MAP3K9: variants seen among roughly 807,000 people sequenced by gnomAD.
MAP3K9 encodes mitogen-activated protein kinase kinase kinase 9.
A neutral mutation model predicts 95.8 loss-of-function variants in MAP3K9; 46 were observed. The ratio of observed to expected loss-of-function variants is 0.48; its 90% CI spans 0.38 to 0.61. MAP3K9 has a LOEUF of 0.61. MAP3K9 is among the 20% of genes least tolerant of loss of function. The probability of loss-of-function intolerance (pLI) is 0.00; values close to 1 mark genes in which losing one functional copy is unlikely to be tolerated. For missense variants in MAP3K9, 1,296 were observed against 1,474.3 expected (o/e 0.88, Z 1.98); for synonymous variants, 533 against 593.8 (o/e 0.90, Z 1.49).
chr14:70,789,080 C>T (rs1238666535), intron 2 of MAP3K9, among the ~76,000 whole-genome samples: 2 of 152,208 alleles, frequency 1.3e-5, no homozygotes, highest in Non-Finnish European at 1.5e-5. Flanking sequence ...AACTGGCCAG[C>T]TGTCCCATTC....
intron 2 of MAP3K9, among the ~76,000 whole-genome samples, chr14:70,784,640 G>A (rs2054725112): frequency 6.6e-6 from 1 of 152,136 alleles, no homozygotes; most frequent in African/African-American, 2.4e-5. Context: ...CTACTCAGGA[G>A]GCTGATGCAG....
intron 4 of MAP3K9, 27 bp from the exon 5 acceptor site, chr14:70,749,031 A>C: frequency 6.3e-7 from 1 of 1,598,150 alleles, no homozygotes; most frequent in Non-Finnish European, 8.5e-7. Context: ...AATACTCAGA[A>C]AGCATGAATG....
chr14:70,749,897 G>C, intron 4 of MAP3K9, 36 bp downstream of exon 4: 1 of 1,613,718 alleles, frequency 6.2e-7, no homozygotes, highest in Non-Finnish European at 8.5e-7. Flanking sequence ...AAGAGGCAAA[G>C]TGTCTCCAGT....
At chr14:70,745,227 C>G (rs2054129655) in intron 5 of MAP3K9, among the ~76,000 whole-genome samples, 1 of 152,108 alleles carries the variant, frequency 6.6e-6, no homozygotes, top group Admixed American at 6.5e-5. Flanking sequence ...TAATGAAATA[C>G]TCACTATAAG....
chr14:70,758,431 T>G lies in MAP3K9; in HGVS notation c.1001+2571A>C, dbSNP rs571401030. ...GAAAAGATGTGGTGAAATTGGAACATTCATACATTGCTAACGGGAATATAA... is the reference window on the plus strand; with the variant it reads ...GAAAAGATGTGGTGAAATTGGAACAGTCATACATTGCTAACGGGAATATAA... On this transcript the variant is annotated intron_variant, in intron 3 of 11. Coordinates refer to ENST00000554752, the MANE Select transcript of MAP3K9 (RefSeq NM_001284230.2). Among the ~76,000 whole-genome samples, 6 of 152,206 alleles carry G rather than the reference T, an allele frequency of 3.9e-5. No homozygotes were observed. The South Asian group carries it at 1.2e-3, about 31-fold the overall frequency.
chr14:70,808,648 AATCGTCCTCCCCACCCCCCGCC>A, intron 1 of MAP3K9, 96 bp downstream of exon 1: 1 of 261,492 alleles, frequency 3.8e-6, no homozygotes, highest in African/African-American at 2.4e-5. Flanking sequence ...CACCCAGGTC[AATCGTCCTCCCCACCCCCCGCC>A]CTCATCCCAG....
intron 3 of MAP3K9, among the ~76,000 whole-genome samples, chr14:70,753,214 A>T: frequency 6.6e-6 from 1 of 152,180 alleles, no homozygotes. Flanking sequence ...ACTAACCCTC[A>T]TCCAGAAATT....
chr14:70,760,043 A>G (rs2054350187), intron 3 of MAP3K9, among the ~76,000 whole-genome samples: 1 of 131,250 alleles, frequency 7.6e-6, no homozygotes, highest in Admixed American at 7.2e-5. Context: ...GGCATGAGCC[A>G]CTGTATCCAG....
intron 3 of MAP3K9, among the ~76,000 whole-genome samples, chr14:70,753,396 C>A (rs540727119): frequency 6.6e-6 from 1 of 152,148 alleles, no homozygotes. Flanking sequence ...CTGCCAACAT[C>A]CCGCTTTATG....
At chr14:70,808,174 CAACTTCTG>C (rs1230484695) in intron 1 of MAP3K9, among the ~76,000 whole-genome samples, 1 of 152,198 alleles carries the variant, frequency 6.6e-6, no homozygotes, top group Non-Finnish European at 1.5e-5. Context: ...CCTAAAGGTA[CAACTTCTG>C]AGATATAAGA....
intron 2 of MAP3K9, chr14:70,765,453 T>C (rs2054437227): frequency 2.9e-6 from 2 of 693,258 alleles, no homozygotes; most frequent in Non-Finnish European, 5.3e-6. Flanking sequence ...CAGGGCAACT[T>C]CCAGTCCTGT....
chr14:70,725,076 AG>A lies in MAP3K9; in HGVS notation c.*5303del, dbSNP rs1351755151. The A allele has an allele frequency of 6.6e-6, 1 of 152,374 alleles. No homozygotes were observed. Among genetic ancestry groups the A allele is most frequent in the Non-Finnish European group, 1.5e-5 (1 of 68,170 alleles). 9.4% of individuals were successfully genotyped at this position (152,374 alleles called of 1,614,324 possible). A position where few individuals can be genotyped will look rare whatever the true frequency, so the allele number is the denominator to read the frequency against. On this transcript the variant is annotated 3_prime_UTR_variant, in exon 12 of 12. Coordinates refer to ENST00000554752, the MANE Select transcript of MAP3K9 (RefSeq NM_001284230.2). ...GGTCTGTTTCCAAGGGTTAACAAAG[AG>A]AGGTGTGGAAAAGCTCAGCTCCTAT...
chr14:70,750,172 C>A, intron 3 of MAP3K9, 91 bp from the exon 4 acceptor site: 2 of 1,119,088 alleles, frequency 1.8e-6, no homozygotes, highest in South Asian at 1.4e-5. Flanking sequence ...ATCCCACATT[C>A]TCCCCAACAG....
chr14:70,737,623 C>T (rs959680524), intron 8 of MAP3K9, among the ~76,000 whole-genome samples: 1 of 152,172 alleles, frequency 6.6e-6, no homozygotes. Context: ...TTCTAGCGGC[C>T]CTGGAGTTGT....
intron 2 of MAP3K9, among the ~76,000 whole-genome samples, chr14:70,775,682 G>A (rs1033188254): frequency 2.6e-5 from 4 of 152,202 alleles, no homozygotes; most frequent in African/African-American, 9.7e-5. Flanking sequence ...GCAGGGACAA[G>A]GAGAGAAACC....
In MAP3K9 at chr14:70,740,163, A is replaced by T. The variant is rs780432308; in HGVS notation, c.1569T>A (p.Asp523Glu). 6 of 1,612,250 alleles carry T rather than the reference A, an allele frequency of 3.7e-6. No homozygotes were observed. The South Asian group carries it at 5.5e-5, about 15-fold the overall frequency. ...KDGNRISLPS[D>E]FQHKFTVQAS... ...CCTGCACCGTGAACTTGTGCTGGAA[A>T]TCTGCTTGGGGAAAGACAAACACGT... is the stretch of plus-strand genomic sequence containing the variant. The change falls in exon 7 of 12, where the codon GAT becomes GAA. Residue 523 changes from aspartate (D) to glutamate (E), a missense_variant and splice_region_variant. This residue lies in a region of MAP3K9 where 377 missense variants were observed against 417.1 expected (regional missense o/e 0.90). Coordinates refer to ENST00000554752, the MANE Select transcript of MAP3K9 (RefSeq NM_001284230.2).
At position 70,809,264 on chromosome 14, in the gene MAP3K9, C is replaced by A. The variant is rs575341230; in HGVS notation, c.-93G>T. 5.6e-6 allele frequency: 7 copies of A among 1,239,232 alleles called. No homozygotes were observed. The South Asian group carries it at 1.1e-4, about 20-fold the overall frequency. 76.8% of individuals were successfully genotyped at this position (1,239,232 alleles called of 1,614,324 possible). ...GCGCCTCCGCAGAGCTGGGAGGACCCCCCCCCAACGACGGCGGCCGCAGGT... is the reference window on the plus strand; with the variant it reads ...GCGCCTCCGCAGAGCTGGGAGGACCACCCCCCAACGACGGCGGCCGCAGGT... On this transcript the variant is annotated 5_prime_UTR_variant, in exon 1 of 12. Transcript: ENST00000554752.
At chr14:70,768,271 A>T (rs1406469751) in intron 2 of MAP3K9, among the ~76,000 whole-genome samples, 1 of 152,140 alleles carries the variant, frequency 6.6e-6, no homozygotes, top group African/African-American at 2.4e-5. Context: ...CCAAAAATAT[A>T]TACACCTATT....
chr14:70,808,965 GTC>G lies in MAP3K9; in HGVS notation c.205_206del (p.Asp69ArgfsTer71). On this transcript the variant is annotated frameshift_variant, in exon 1 of 12. Transcript: ENST00000554752. LOFTEE classifies it high-confidence loss of function. The stretch of plus-strand genomic sequence containing the variant: ...CGTCGCCCAGCCGCAGGGTCAGCTC[GTC>G]CTCGCCCGCCGCCTCGTACTCGAAC... The part of the protein sequence containing the change: ...AVFEYEAAGE[D>X]ELTLRLGDVV... 1 of 1,572,714 alleles carries G rather than the reference GTC, an allele frequency of 6.4e-7. No individual in the cohort carries two copies.
Sources: gnomAD v4.1 joint callset for allele counts (sites outside exome capture counted in the v4.1 genomes callset) on GRCh38, gnomAD v4.1.1 for gene constraint, gnomAD v4.1.1 regional missense constraint, MANE v1.5 for transcripts, NCBI Gene and HGNC (gene_info 2026-07-23, HGNC 2026-07-21) for gene names.